The following PTPN23 variants were observed in gnomAD, a reference collection of about 807,000 sequenced individuals.
The protein encoded by PTPN23 is tyrosine-protein phosphatase non-receptor type 23.
A neutral mutation model predicts 156.3 loss-of-function variants in PTPN23; 72 were observed. That is an observed-to-expected ratio of 0.46 (90% CI 0.38 to 0.56). PTPN23 has a LOEUF of 0.56. Among genes scored for constraint, PTPN23 ranks in the 20% least tolerant of loss-of-function variants. The pLI is 0.00. For missense variants in PTPN23, 1,974 were observed against 2,171.5 expected (o/e 0.91, Z 1.81); for synonymous variants, 957 against 899.6 (o/e 1.06, Z -1.14).
chr3:47,395,032 T>G (rs894688241), intron 1 of PTPN23, among the ~76,000 whole-genome samples: 5 of 152,322 alleles, frequency 3.3e-5, no homozygotes, highest in Middle Eastern at 6.8e-3. Flanking sequence ...GATGCTGTAA[T>G]TAGCTCAGCT....
At position 47,405,066 on chromosome 3, in the gene PTPN23, A is replaced by G; in HGVS notation, c.349A>G (p.Ile117Val). The change falls in exon 4 of 25, where the codon ATT becomes GTT. Residue 117 changes from isoleucine (I) to valine (V), a missense_variant. Ile to Val is a conservative substitution (Grantham distance 29, BLOSUM62 3). Around this residue, in one of 4 missense-constraint regions of PTPN23, gnomAD observed 726 missense variants for 929.5 expected, o/e 0.78. Transcript: ENST00000265562. This position sits in a 1 kb window ranked among gnomAD's most constrained non-coding sequence, Gnocchi z 4.7. ...GGACATCAAGTACGAGCAGGCCTGT[A>G]TTCTCTACAACCTTGGTGAGCTGCC... ...HEDIKYEQAC[I>V]LYNLGALHSM... The G allele has an allele frequency of 1.2e-6, 2 of 1,614,178 alleles. No individual in the cohort carries two copies. Among genetic ancestry groups the G allele is most frequent in the Non-Finnish European group, 8.5e-7 (1 of 1,180,022 alleles).
At chr3:47,398,580 TC>T (rs1704927563) in intron 2 of PTPN23, among the ~76,000 whole-genome samples, 1 of 151,750 alleles carries the variant, frequency 6.6e-6, no homozygotes, top group Non-Finnish European at 1.5e-5. Flanking sequence ...TTTTTTTTTT[TC>T]CCGAGACAGG....
intron 1 of PTPN23, among the ~76,000 whole-genome samples, chr3:47,388,807 G>A (rs1704707392): frequency 6.6e-6 from 1 of 151,776 alleles, no homozygotes; most frequent in African/African-American, 2.4e-5. Context: ...TGGGATTACA[G>A]GCACCTGCCA....
chr3:47,408,685 C>A, intron 15 of PTPN23, 91 bp from the exon 16 acceptor site: 16 of 1,486,738 alleles, frequency 1.1e-5, no homozygotes, highest in Non-Finnish European at 1.5e-5. Flanking sequence ...TAAGCCCTGA[C>A]CTGAGGGGGC....
intron 18 of PTPN23, 37 bp downstream of exon 18, chr3:47,409,605 C>A: frequency 6.2e-7 from 1 of 1,612,348 alleles, no homozygotes; most frequent in Non-Finnish European, 8.5e-7. Context: ...CCGGAGCCAC[C>A]TGGAGCCCAG....
Position 47,407,743 on chromosome 3 carries a change from T to C in PTPN23, c.1050T>C (p.Ala350=). Residue 350 remains alanine (A), a synonymous_variant, in exon 13 of 25, where the codon GCT becomes GCC. Coordinates refer to ENST00000265562, the MANE Select transcript of PTPN23 (RefSeq NM_015466.4). This position sits in a 1 kb window ranked among gnomAD's most constrained non-coding sequence, Gnocchi z 4.0. ...TGCCAGTGAACCCCACAGACCCAGC[T>C]GTTACAGGCCCTGACATCTTTGCCA... ...KPLPVNPTDP[A]VTGPDIFAKL... The C allele has an allele frequency of 5.6e-6, 9 of 1,613,602 alleles. No homozygotes were observed. Among genetic ancestry groups the C allele is most frequent in the Non-Finnish European group, 7.6e-6 (9 of 1,179,790 alleles).
In PTPN23 at chr3:47,409,132, C is replaced by A. The variant is rs780028955; in HGVS notation, c.1643-31C>A. The A allele has an allele frequency of 2.5e-6, 4 of 1,607,958 alleles. No individual in the cohort carries two copies. In the East Asian group the frequency reaches 8.9e-5, roughly 36 times the overall value. ...ATTGGGAGACTCGAGCTGGGGGTTT[C>A]TCTGGCCTCACTGACCACTGCTGCC... On this transcript the variant is annotated intron_variant, in intron 16 of 24. Coordinates refer to ENST00000265562, the MANE Select transcript of PTPN23 (RefSeq NM_015466.4).
chr3:47,405,636 G>A lies in PTPN23; in HGVS notation c.365-113G>A. The stretch of plus-strand genomic sequence containing the variant: ...TGGGTGTCCTTGGACTCGTTGCCCT[G>A]GTTCTCAGAGCCATGTTGTCCTGAT... On this transcript the variant is annotated intron_variant, in intron 4 of 24. Transcript: ENST00000265562. The surrounding 1 kb of genome is among the most constrained non-coding windows in gnomAD (Gnocchi z 4.7). 2 of 1,125,518 alleles carry A rather than the reference G, an allele frequency of 1.8e-6. No homozygotes were observed. The highest frequency in any genetic ancestry group is 2.6e-6 in the Non-Finnish European group (2 of 780,882). The allele number at this position is 1,125,518 out of a possible 1,614,324, so 69.7% of individuals were successfully genotyped here. A position where few individuals can be genotyped will look rare whatever the true frequency, so the allele number is the denominator to read the frequency against.
At chr3:47,394,882 G>T (rs1704846502) in intron 1 of PTPN23, among the ~76,000 whole-genome samples, 1 of 152,272 alleles carries the variant, frequency 6.6e-6, no homozygotes, top group South Asian at 2.1e-4. Context: ...CTTGGTAAGG[G>T]ACGGATTTGA....
At chr3:47,382,108 A>G (rs1458749956) in intron 1 of PTPN23, among the ~76,000 whole-genome samples, 1 of 152,198 alleles carries the variant, frequency 6.6e-6, no homozygotes, top group Non-Finnish European at 1.5e-5. Context: ...TTGGGAAGAC[A>G]AATAGGAAAA....
rs1559528579 is a variant in PTPN23, at chr3:47,410,706, C to T, written c.2908C>T (p.Gln970Ter). The change falls in exon 20 of 25, where the codon CAG becomes TAG. Residue 970 changes from glutamine to a stop codon, truncating the protein, a stop_gained. Coordinates refer to ENST00000265562, the MANE Select transcript of PTPN23 (RefSeq NM_015466.4). LOFTEE classifies it high-confidence loss of function. The stretch of plus-strand genomic sequence containing the variant: ...CCATCCTTCACAAGCGTTTGGGCCT[C>T]AGCCCCCACAGCAGCCCCTTCCACT... ...QPHPSQAFGP[Q>*]PPQQPLPLQH... 1.9e-6 allele frequency: 3 copies of T among 1,594,402 alleles called. No homozygotes were observed. The highest frequency in any genetic ancestry group is 2.6e-6 in the Non-Finnish European group (3 of 1,171,104).
Position 47,407,671 on chromosome 3 carries a change from G to T in PTPN23, c.1004-26G>T, listed in dbSNP as rs975851687. Reference sequence around the variant, plus strand: ...TGCCTCAAGGACTCTGCGTGGGCCTGATCTCCACAATTCCCACCCCCCCAG... The same window carrying T: ...TGCCTCAAGGACTCTGCGTGGGCCTTATCTCCACAATTCCCACCCCCCCAG... On this transcript the variant is annotated intron_variant, in intron 12 of 24. Transcript: ENST00000265562. This position sits in a 1 kb window ranked among gnomAD's most constrained non-coding sequence, Gnocchi z 4.0. 3.7e-6 allele frequency: 6 copies of T among 1,609,968 alleles called. No individual in the cohort carries two copies. The highest frequency in any genetic ancestry group is 5.1e-6 in the Non-Finnish European group (6 of 1,176,414).
In PTPN23 at chr3:47,410,190, G is replaced by T. The variant is rs770124363; in HGVS notation, c.2392G>T (p.Gly798Cys). 4 of 1,604,692 alleles carry T rather than the reference G, an allele frequency of 2.5e-6. No homozygotes were observed. The South Asian group carries it at 4.5e-5, about 18-fold the overall frequency. ...SGPLPPGTYS[G>C]PTQLIQPRAP... ...CCCCTTGCCCCCTGGTACCTACTCG[G>T]GCCCCACCCAGCTGATACAGCCCAG... The change falls in exon 20 of 25, where the codon GGC becomes TGC. Residue 798 changes from glycine to cysteine, a missense_variant. By Grantham distance (159) the Gly-to-Cys change is radical. This residue lies in a region of PTPN23 where 731 missense variants were observed against 669.1 expected (regional missense o/e 1.09). Transcript: ENST00000265562.
chr3:47,408,379 A>G lies in PTPN23; in HGVS notation c.1219A>G (p.Thr407Ala), dbSNP rs1705180187. The G allele has an allele frequency of 6.2e-7, 1 of 1,614,020 alleles. No individual in the cohort carries two copies. Among genetic ancestry groups the G allele is most frequent in the African/African-American group, 1.3e-5 (1 of 74,966 alleles). ...GGATTCAATGCAGTTGGATCCCGAGACGGTGGACAACCTTGATGCCTACAG... is the reference window on the plus strand; with the variant it reads ...GGATTCAATGCAGTTGGATCCCGAGGCGGTGGACAACCTTGATGCCTACAG... ...FMDSMQLDPE[T>A]VDNLDAYSHI... The change falls in exon 15 of 25, where the codon ACG becomes GCG. Residue 407 changes from threonine (T) to alanine (A), a missense_variant. Coordinates refer to ENST00000265562, the MANE Select transcript of PTPN23 (RefSeq NM_015466.4).
Position 47,409,696 on chromosome 3 carries a change from C to T in PTPN23, c.1991C>T (p.Ala664Val), listed in dbSNP as rs767851414. The part of the protein sequence containing the change: ...TLQTLVASYE[A>V]YEDLMKKSQE... ...CAGACCCTGGTGGCCTCGTATGAAG[C>T]CTATGAGGACCTGATGAAGAAGTCG... Residue 664 changes from alanine (A) to valine (V), a missense_variant, in exon 19 of 25, where the codon GCC becomes GTC. Ala to Val is a moderately conservative substitution (Grantham distance 64). Coordinates refer to ENST00000265562, the MANE Select transcript of PTPN23 (RefSeq NM_015466.4). 6.8e-6 allele frequency: 11 copies of T among 1,609,198 alleles called. No individual in the cohort carries two copies. The East Asian group carries it at 2.0e-4, about 29-fold the overall frequency.
intron 2 of PTPN23, among the ~76,000 whole-genome samples, chr3:47,399,973 G>A (rs895946088): frequency 6.6e-6 from 1 of 152,092 alleles, no homozygotes; most frequent in Non-Finnish European, 1.5e-5. Flanking sequence ...CACCATGCCT[G>A]GCTAATTTTT....
chr3:47,392,357 A>AT (rs1487176748), intron 1 of PTPN23, among the ~76,000 whole-genome samples: 1 of 147,300 alleles, frequency 6.8e-6, no homozygotes, highest in African/African-American at 2.5e-5. Context: ...TAATTTTTAA[A>AT]TTTTTTTTCG....
In PTPN23 at chr3:47,410,074, C is replaced by A; in HGVS notation, c.2276C>A (p.Pro759His). Reference sequence around the variant, plus strand: ...GACATGGTGGCTGGCCCACGACTGCCTGACACCTTCCTGGGAAGTGCCACC... The same window carrying A: ...GACATGGTGGCTGGCCCACGACTGCATGACACCTTCCTGGGAAGTGCCACC... Reference protein sequence around the residue: ...PPDMVAGPRLPDTFLGSATPL... With the variant: ...PPDMVAGPRLHDTFLGSATPL... The change falls in exon 20 of 25, where the codon CCT becomes CAT. Residue 759 changes from proline to histidine, a missense_variant. Coordinates refer to ENST00000265562, the MANE Select transcript of PTPN23 (RefSeq NM_015466.4). The A allele has an allele frequency of 6.2e-7, 1 of 1,611,762 alleles. No homozygotes were observed. The highest frequency in any genetic ancestry group is 1.3e-5 in the African/African-American group (1 of 74,964).
chr3:47,407,391 G>T lies in PTPN23; in HGVS notation c.923+24G>T. ...AAGTGAGTCTGTGGGGGTGGCCCTGGTTCCCTCTTTTTGTGAAGGGTCTTG... is the reference window on the plus strand; with the variant it reads ...AAGTGAGTCTGTGGGGGTGGCCCTGTTTCCCTCTTTTTGTGAAGGGTCTTG... On this transcript the variant is annotated intron_variant, in intron 11 of 24. Coordinates refer to ENST00000265562, the MANE Select transcript of PTPN23 (RefSeq NM_015466.4). This position sits in a 1 kb window ranked among gnomAD's most constrained non-coding sequence, Gnocchi z 4.0. 6.2e-7 allele frequency: 1 copy of T among 1,613,426 alleles called. No homozygotes were observed. The highest frequency in any genetic ancestry group is 8.5e-7 in the Non-Finnish European group (1 of 1,179,608).
Sources: gnomAD v4.1 joint callset for allele counts (sites outside exome capture counted in the v4.1 genomes callset) on GRCh38, gnomAD v4.1.1 for gene constraint, gnomAD v4.1.1 regional missense constraint, Gnocchi (gnomAD v3.1) non-coding constraint, MANE v1.5 for transcripts, NCBI Gene and HGNC (gene_info 2026-07-23, HGNC 2026-07-21) for gene names.